C16orf46: variants seen among roughly 807,000 people sequenced by gnomAD.
C16orf46 encodes chromosome 16 open reading frame 46.
In C16orf46, 7 loss-of-function variants were observed where a neutral mutation model predicts 5.5. The ratio of observed to expected loss-of-function variants is 1.28; its 90% CI spans 0.73 to 2.40. C16orf46 has a LOEUF of 2.40. Ranked by LOEUF, C16orf46 falls within the 30% of genes most tolerant of loss-of-function variation. The pLI is 0.00. For missense variants in C16orf46, 614 were observed against 476.0 expected (o/e 1.29, Z -2.70); for synonymous variants, 200 against 184.1 (o/e 1.09, Z -0.70).
At chr16:81,062,920 G>C (rs1971536615) in intron 3 of C16orf46, among the ~76,000 whole-genome samples, 2 of 143,158 alleles carry the variant, frequency 1.4e-5, no homozygotes, top group Non-Finnish European at 3.0e-5. Flanking sequence ...TTAAATATAG[G>C]ATTCTATTGT....
intron 2 of C16orf46, among the ~76,000 whole-genome samples, chr16:81,064,862 C>A (rs1024229146): frequency 1.3e-5 from 2 of 152,172 alleles, no homozygotes; most frequent in African/African-American, 4.8e-5. Context: ...AGGAACAAAC[C>A]CTGCCAAAAC....
At chr16:81,074,696 T>G (rs900677865) in intron 1 of C16orf46, among the ~76,000 whole-genome samples, 2 of 152,122 alleles carry the variant, frequency 1.3e-5, no homozygotes, top group Non-Finnish European at 2.9e-5. Context: ...TAACTCAATC[T>G]TGATTAACAC....
chr16:81,069,524 G>A (rs943517922), intron 1 of C16orf46, among the ~76,000 whole-genome samples: 4 of 151,576 alleles, frequency 2.6e-5, no homozygotes, highest in African/African-American at 9.8e-5. Context: ...TTAGCCTGGA[G>A]CAAATCACAG....
chr16:81,053,824 C>G, exon 4 of C16orf46: 1 of 434,160 alleles, frequency 2.3e-6, no homozygotes, highest in Admixed American at 3.7e-5. Flanking sequence ...ATTATATTAC[C>G]TCTGCATATA....
At chr16:81,074,991 G>T (rs1349704997) in intron 1 of C16orf46, among the ~76,000 whole-genome samples, 2 of 152,110 alleles carry the variant, frequency 1.3e-5, no homozygotes, top group Admixed American at 6.6e-5. Flanking sequence ...ATTTGATGAG[G>T]ATGCCTTCTG....
At chr16:81,064,447 GC>G (rs1177545576) in intron 2 of C16orf46, among the ~76,000 whole-genome samples, 1 of 151,994 alleles carries the variant, frequency 6.6e-6, no homozygotes, top group Non-Finnish European at 1.5e-5. Flanking sequence ...CCAACCACTG[GC>G]ACTATGAAAG....
intron 1 of C16orf46, among the ~76,000 whole-genome samples, chr16:81,071,670 C>T (rs1048342966): frequency 4.6e-5 from 7 of 151,890 alleles, no homozygotes; most frequent in African/African-American, 7.2e-5. Flanking sequence ...CCATGGGCCC[C>T]GGAGGGAGAT....
At chr16:81,075,839 A>T (rs6564818) in intron 1 of C16orf46, among the ~76,000 whole-genome samples, 5 of 152,244 alleles carry the variant, frequency 3.3e-5, no homozygotes, top group East Asian at 3.9e-4. Context: ...GGAATGTTGA[A>T]GGACCAGGAG....
intron 1 of C16orf46, among the ~76,000 whole-genome samples, chr16:81,071,359 T>C (rs552666611): frequency 6.6e-6 from 1 of 152,290 alleles, no homozygotes; most frequent in Admixed American, 6.5e-5. Context: ...GAAAATCTAA[T>C]CGCTGCAGGG....
chr16:81,067,426 A>C (rs962496365), intron 1 of C16orf46, among the ~76,000 whole-genome samples: 2 of 152,220 alleles, frequency 1.3e-5, no homozygotes, highest in Admixed American at 1.3e-4. Flanking sequence ...TCCTGTAATA[A>C]AACTTTTAAA....
chr16:81,056,799 A>G (rs1018394255), downstream of C16orf46, among the ~76,000 whole-genome samples: 8 of 151,946 alleles, frequency 5.3e-5, no homozygotes, highest in African/African-American at 1.9e-4. Context: ...GACCAGCGCA[A>G]AATGGAGAGC....
chr16:81,076,312 AAAGTT>A (rs58915816), intron 1 of C16orf46: 16,940 of 152,110 alleles, frequency 0.11, 975 homozygotes, highest in East Asian at 0.2. Flanking sequence ...CCTTTGTCTG[AAAGTT>A]AAGCACCCGC....
At chr16:81,067,957 G>C (rs1971704574) in intron 1 of C16orf46, among the ~76,000 whole-genome samples, 1 of 152,188 alleles carries the variant, frequency 6.6e-6, no homozygotes, top group African/African-American at 2.4e-5. Context: ...TTTTATAAAA[G>C]TGATTTAGAG....
At chr16:81,063,640 G>A (rs1477906683) in intron 3 of C16orf46, 106 bp downstream of exon 3, 5 of 922,016 alleles carry the variant, frequency 5.4e-6, no homozygotes, top group Non-Finnish European at 8.3e-6. Context: ...ACATGTCATT[G>A]ATTCCACATT....
At chr16:81,071,478 G>A (rs1971850127) in intron 1 of C16orf46, among the ~76,000 whole-genome samples, 1 of 152,230 alleles carries the variant, frequency 6.6e-6, no homozygotes, top group Non-Finnish European at 1.5e-5. Flanking sequence ...CTGCTGCAGT[G>A]GCTCACGCCT....
At chr16:81,053,963 C>T in exon 4 of C16orf46, 5 of 1,220,200 alleles carry the variant, frequency 4.1e-6, no homozygotes, top group South Asian at 1.2e-5. Flanking sequence ...TGACTCTCTG[C>T]TTTCTGGTGA....
intron 1 of C16orf46, chr16:81,071,940 C>G (rs74878296): frequency 0.055 from 8,447 of 152,260 alleles, 261 homozygotes; most frequent in Non-Finnish European, 0.075. Flanking sequence ...AGACTTGTGA[C>G]TAGCCTGGTC....
intron 3 of C16orf46, 77 bp downstream of exon 3, chr16:81,063,669 T>G (rs368214297): frequency 1.6e-6 from 2 of 1,285,836 alleles, no homozygotes. Context: ...ATATTAACTA[T>G]TTTTGGGAAA....
intron 1 of C16orf46, among the ~76,000 whole-genome samples, chr16:81,074,585 A>C (rs1231499957): frequency 6.6e-6 from 1 of 152,042 alleles, no homozygotes; most frequent in Non-Finnish European, 1.5e-5. Flanking sequence ...GGGTTTCACC[A>C]TGTTGGCTAG....
Sources: gnomAD v4.1 joint callset for allele counts (sites outside exome capture counted in the v4.1 genomes callset) on GRCh38, gnomAD v4.1.1 for gene constraint, MANE v1.5 for transcripts, NCBI Gene and HGNC (gene_info 2026-07-23, HGNC 2026-07-21) for gene names.